DNM3: variants seen among roughly 807,000 people sequenced by gnomAD.
DNM3 encodes dynamin-3.
DNM3 carries 47 observed loss-of-function variants against 101.6 expected under a neutral mutation model. The ratio of observed to expected loss-of-function variants is 0.46; its 90% CI spans 0.37 to 0.59. The LOEUF is 0.59. DNM3 is among the 20% of genes least tolerant of loss of function. The probability of loss-of-function intolerance (pLI) is 0.00; values close to 1 mark genes in which losing one functional copy is unlikely to be tolerated. For synonymous variants in DNM3, 385 were observed against 387.9 expected, an observed-to-expected ratio of 0.99 and a Z score of 0.09; for missense variants, 849 against 1,085.7, an observed-to-expected ratio of 0.78 and a Z score of 3.06.
chr1:172,077,195 T>G (rs1430467392), intron 11 of DNM3, among the ~76,000 whole-genome samples: 1 of 152,170 alleles, frequency 6.6e-6, no homozygotes, highest in African/African-American at 2.4e-5. Flanking sequence ...TTCTATTTGA[T>G]TCTTCTCTCT....
chr1:172,055,055 G>GGTAA, intron 10 of DNM3, among the ~76,000 whole-genome samples: 1 of 146,268 alleles, frequency 6.8e-6, no homozygotes, highest in South Asian at 2.1e-4. Context: ...TGGCTTATTA[G>GGTAA]GTAAGTAAAT....
At chr1:172,388,495 G>A (rs1055236024) in intron 19 of DNM3, 78 bp from the exon 20 acceptor site, 10 of 1,241,078 alleles carry the variant, frequency 8.1e-6, no homozygotes, top group Non-Finnish European at 1.1e-5. Flanking sequence ...TAAAAAGCAG[G>A]AAGTTACAAA....
chr1:171,969,937 G>A (rs1320672111), intron 2 of DNM3, among the ~76,000 whole-genome samples: 3 of 152,092 alleles, frequency 2.0e-5, no homozygotes, highest in Admixed American at 6.6e-5. Context: ...TAATGTGTGT[G>A]ACTAAAAGCT....
At chr1:172,396,001 A>G (rs573131902) in intron 20 of DNM3, among the ~76,000 whole-genome samples, 29 of 152,366 alleles carry the variant, frequency 1.9e-4, no homozygotes, top group African/African-American at 7.0e-4. Context: ...ATTCCTACAC[A>G]AGGCAAGAAG....
intron 13 of DNM3, among the ~76,000 whole-genome samples, chr1:172,119,783 TC>T (rs2148004901): frequency 6.6e-6 from 1 of 152,290 alleles, no homozygotes; most frequent in Non-Finnish European, 1.5e-5. Context: ...CTACTCTCTG[TC>T]CATGAATGTG....
At chr1:172,287,607 G>T (rs1222934368) in intron 15 of DNM3, among the ~76,000 whole-genome samples, 1 of 151,830 alleles carries the variant, frequency 6.6e-6, no homozygotes. Context: ...ATCAAGAGAA[G>T]GAAATAACAG....
Position 172,017,741 on chromosome 1 carries a change from A to G in DNM3, c.590-14661A>G, listed in dbSNP as rs558051974. Among the ~76,000 whole-genome samples the G allele has an allele frequency of 3.9e-5, 6 of 152,222 alleles. No homozygotes were observed. The South Asian group carries it at 1.2e-3, about 32-fold the overall frequency. On this transcript the variant is annotated intron_variant, in intron 4 of 20. Coordinates refer to ENST00000627582, the MANE Select transcript of DNM3 (RefSeq NM_015569.5). ...GATTATGTTGCTTTTTAGTTCGACTATGTCCTTCCTTACGGATTTTCTGCT... is the reference window on the plus strand; with the variant it reads ...GATTATGTTGCTTTTTAGTTCGACTGTGTCCTTCCTTACGGATTTTCTGCT...
At chr1:171,928,376 G>A (rs1404164832) in intron 2 of DNM3, among the ~76,000 whole-genome samples, 2 of 152,132 alleles carry the variant, frequency 1.3e-5, no homozygotes, top group East Asian at 3.9e-4. Flanking sequence ...TGGAGGCAGT[G>A]GAGGAAGGGA....
chr1:171,987,736 G>A lies in DNM3; in HGVS notation c.316G>A (p.Asp106Asn). The A allele has an allele frequency of 6.2e-7, 1 of 1,604,970 alleles. No homozygotes were observed. The highest frequency in any genetic ancestry group is 1.1e-5 in the South Asian group (1 of 89,102). Residue 106 changes from aspartate to asparagine, a missense_variant, in exon 3 of 21, where the codon GAT becomes AAT. By Grantham distance (23) the Asp-to-Asn change is conservative. Coordinates refer to ENST00000627582, the MANE Select transcript of DNM3 (RefSeq NM_015569.5). ...TCGCCTTGAGATTGAAGCAGAAACA[G>A]ATCGCGTGACTGGAATGAATAAAGG... ...EVRLEIEAET[D>N]RVTGMNKGIS...
At chr1:171,843,988 T>C (rs2031686251) in intron 1 of DNM3, among the ~76,000 whole-genome samples, 1 of 152,216 alleles carries the variant, frequency 6.6e-6, no homozygotes, top group Non-Finnish European at 1.5e-5. Context: ...ATTTAATTCA[T>C]ATGTAAAGTC....
chr1:172,346,122 CAAAAAAAAAAA>C (rs554868535), intron 17 of DNM3, among the ~76,000 whole-genome samples: 3 of 92,162 alleles, frequency 3.3e-5, no homozygotes, highest in African/African-American at 1.1e-4. Context: ...GACTCCGTCT[CAAAAAAAAAAA>C]AAAAAAAAAG....
At chr1:172,173,599 G>T (rs1484814364) in intron 14 of DNM3, among the ~76,000 whole-genome samples, 2 of 151,324 alleles carry the variant, frequency 1.3e-5, no homozygotes, top group East Asian at 3.9e-4. Context: ...AAAGCACTGG[G>T]ATTATAGGCT....
intron 1 of DNM3, among the ~76,000 whole-genome samples, chr1:171,904,266 C>T (rs191243320): frequency 2.4e-4 from 37 of 152,204 alleles, no homozygotes; most frequent in African/African-American, 8.7e-4. Flanking sequence ...TGAGATTGTG[C>T]CACTGCATTC....
chr1:172,032,533 T>A, intron 5 of DNM3, 33 bp downstream of exon 5: 49 of 550,684 alleles, frequency 8.9e-5, no homozygotes, highest in East Asian at 4.0e-4. Flanking sequence ...AGACTTTTTT[T>A]TTTTTTTTTT....
intron 14 of DNM3, among the ~76,000 whole-genome samples, chr1:172,153,104 T>C (rs79995164): frequency 2.0e-5 from 3 of 152,316 alleles, no homozygotes; most frequent in Non-Finnish European, 4.4e-5. Flanking sequence ...TCAACTGAGA[T>C]ATCAGAGAAG....
chr1:171,972,210 C>T (rs771233945), intron 2 of DNM3, among the ~76,000 whole-genome samples: 6 of 152,202 alleles, frequency 3.9e-5, no homozygotes, highest in East Asian at 1.9e-4. Context: ...CTAGTTACTA[C>T]GCTGTGGAAG....
chr1:172,148,077 T>C (rs2057984328), intron 14 of DNM3, among the ~76,000 whole-genome samples: 2 of 152,114 alleles, frequency 1.3e-5, no homozygotes, highest in South Asian at 4.1e-4. Context: ...CTCAGTTTTT[T>C]TCTGTGCTCA....
At chr1:171,978,358 G>C (rs1230312396) in intron 2 of DNM3, among the ~76,000 whole-genome samples, 4 of 152,194 alleles carry the variant, frequency 2.6e-5, no homozygotes, top group Non-Finnish European at 2.9e-5. Flanking sequence ...ACAGGAAGGA[G>C]CCACACATGC....
At position 172,349,941 on chromosome 1, in the gene DNM3, A is replaced by G. The variant is rs940062586; in HGVS notation, c.1893+26601A>G. On this transcript the variant is annotated intron_variant, in intron 17 of 20. Transcript: ENST00000627582. ...AGAAGCACCAAGCCCTCATGTATAT[A>G]GAAAACTCATGCTAAGGCCAGAAGA... Among the ~76,000 whole-genome samples, 5 of 152,182 alleles carry G rather than the reference A, an allele frequency of 3.3e-5. 1 individual carries two copies. Among genetic ancestry groups the G allele is most frequent in the Admixed American group, 6.5e-5 (1 of 15,268 alleles).
Sources: allele counts gnomAD v4.1 joint callset (sites outside exome capture counted in the v4.1 genomes callset), GRCh38; gene constraint gnomAD v4.1.1; transcripts MANE v1.5; gene names NCBI Gene and HGNC (gene_info 2026-07-23, HGNC 2026-07-21).